The following FGF13 variants were observed in gnomAD, a reference collection of about 807,000 sequenced individuals.
FGF13 encodes fibroblast growth factor homologous factor 2.
FGF13 carries 2 observed loss-of-function variants against 19.5 expected under a neutral mutation model. The observed-to-expected ratio is 0.10, with a 90% CI of 0.04 to 0.32. The LOEUF (loss-of-function observed/expected upper bound fraction) is 0.32. FGF13 is among the 10% of genes least tolerant of loss of function. FGF13 has a pLI of 1.00. For synonymous variants in FGF13, 72 were observed against 76.9 expected, an observed-to-expected ratio of 0.94 and a Z score of 0.33; for missense variants, 113 against 192.7, an observed-to-expected ratio of 0.59 and a Z score of 2.45.
chrX:138,933,172 C>A (rs750102627), intron 1 of FGF13, among the ~76,000 whole-genome samples: 52 of 111,825 alleles, frequency 4.7e-4, no homozygotes, highest in Non-Finnish European at 8.7e-4. Flanking sequence ...TTTGTCTTCC[C>A]TACCAGTCTG....
At chrX:139,047,391 G>GT (rs1393962110) in intron 1 of FGF13, among the ~76,000 whole-genome samples, 7 of 108,164 alleles carry the variant, frequency 6.5e-5, no homozygotes, top group African/African-American at 2.1e-4. Flanking sequence ...TTTATTTTTT[G>GT]GTTTTTTTTT....
intron 1 of FGF13, among the ~76,000 whole-genome samples, chrX:139,134,305 A>C (rs2083783358): frequency 8.9e-6 from 1 of 111,924 alleles, no homozygotes; most frequent in Admixed American, 9.5e-5. Flanking sequence ...ACCTGTCAAA[A>C]TATAGCACCT....
intron 3 of FGF13, among the ~76,000 whole-genome samples, chrX:138,690,862 T>C (rs1813367737): frequency 9.0e-6 from 1 of 111,615 alleles, no homozygotes; most frequent in Non-Finnish European, 1.9e-5. Flanking sequence ...GCTGATCCTG[T>C]AGTAGATCAA....
intron 3 of FGF13, among the ~76,000 whole-genome samples, chrX:138,763,531 T>C (rs1330757420): frequency 8.9e-6 from 1 of 112,357 alleles, no homozygotes; most frequent in African/African-American, 3.2e-5. Context: ...GATAATTAGA[T>C]GCTAAGACCC....
At chrX:138,887,927 T>C (rs1204889087) in intron 1 of FGF13, among the ~76,000 whole-genome samples, 1 of 112,057 alleles carries the variant, frequency 8.9e-6, no homozygotes, top group Non-Finnish European at 1.9e-5. Context: ...TCTAGTTTAA[T>C]ACCTATTCAT....
chrX:138,747,163 A>T (rs115038915), intron 3 of FGF13, among the ~76,000 whole-genome samples: 1,206 of 111,606 alleles, frequency 0.011, 8 homozygotes, highest in African/African-American at 0.036. Context: ...AGAAAAAGGC[A>T]TGCTAACAGG....
intron 1 of FGF13, among the ~76,000 whole-genome samples, chrX:138,955,537 C>G (rs2091836715): frequency 8.9e-6 from 1 of 111,907 alleles, no homozygotes; most frequent in African/African-American, 3.3e-5. Context: ...TTAACTCGAC[C>G]AAGGTTACAC....
chrX:138,976,704 G>A lies in FGF13; in HGVS notation c.-112-112054C>T, dbSNP rs147018442. Among the ~76,000 whole-genome samples, 790 of 94,144 alleles carry A rather than the reference G, an allele frequency of 8.4e-3. 8 individuals carry two copies. Among genetic ancestry groups the A allele is most frequent in the African/African-American group, 0.027 (722 of 26,740 alleles). 81.8% of individuals were successfully genotyped at this position (94,144 alleles called of 115,157 possible). ...GTACCCCAAAAGCTATTGAAATAGA[G>A]AAATTTTAAAATATTTGTGCAAATT... On this transcript the variant is annotated intron_variant, in intron 1 of 2. Transcript: ENST00000421460.
chrX:138,718,485 A>G (rs966973540), intron 1 of FGF13, among the ~76,000 whole-genome samples: 4 of 112,065 alleles, frequency 3.6e-5, no homozygotes, highest in African/African-American at 1.3e-4. Context: ...AGTGTCTGTT[A>G]TTATTTAGCA....
chrX:138,861,450 AG>A (rs1404727667), intron 2 of FGF13, among the ~76,000 whole-genome samples: 1 of 112,532 alleles, frequency 8.9e-6, no homozygotes, highest in African/African-American at 3.2e-5. Flanking sequence ...ACTCTATAAA[AG>A]TTGTATCAAT....
intron 1 of FGF13, among the ~76,000 whole-genome samples, chrX:139,175,678 TTCTG>T (rs1348105407): frequency 8.9e-6 from 1 of 112,232 alleles, no homozygotes; most frequent in African/African-American, 3.2e-5. Context: ...TTGTCACTGG[TTCTG>T]TTTATGTGAT....
intron 1 of FGF13, among the ~76,000 whole-genome samples, chrX:139,012,774 G>C (rs1300336089): frequency 1.8e-5 from 2 of 112,030 alleles, no homozygotes; most frequent in Non-Finnish European, 3.8e-5. Flanking sequence ...AACTCTTCTA[G>C]ACATTGGCTT....
intron 1 of FGF13, among the ~76,000 whole-genome samples, chrX:138,961,477 T>C (rs1007912494): frequency 9.0e-5 from 10 of 111,612 alleles, no homozygotes; most frequent in African/African-American, 2.3e-4. Context: ...GTCTGTCTCT[T>C]CTCTGATCTC....
intron 3 of FGF13, among the ~76,000 whole-genome samples, chrX:138,764,653 T>C (rs2090491509): frequency 8.9e-6 from 1 of 112,656 alleles, no homozygotes; most frequent in Non-Finnish European, 1.9e-5. Context: ...ATTTGTTTTA[T>C]AGTCTATGGC....
At chrX:139,011,614 A>G in intron 1 of FGF13, among the ~76,000 whole-genome samples, 1 of 111,818 alleles carries the variant, frequency 8.9e-6, no homozygotes, top group Middle Eastern at 4.6e-3. Context: ...TAGATGCAGA[A>G]AAAGCATTTG....
intron 1 of FGF13, among the ~76,000 whole-genome samples, chrX:138,903,457 A>G (rs996938908): frequency 8.9e-6 from 1 of 111,812 alleles, no homozygotes; most frequent in African/African-American, 3.3e-5. Flanking sequence ...TTGTTTCTCA[A>G]AACAGAAAGG....
chrX:138,810,744 AC>A (rs2124033791), intron 3 of FGF13, among the ~76,000 whole-genome samples: 1 of 112,262 alleles, frequency 8.9e-6, no homozygotes, highest in African/African-American at 3.2e-5. Context: ...AAACAAGTTT[AC>A]AGGAAAAAAT....
At chrX:139,177,279 T>C (rs1460881714) in intron 1 of FGF13, among the ~76,000 whole-genome samples, 2 of 85,884 alleles carry the variant, frequency 2.3e-5, no homozygotes, top group African/African-American at 4.4e-5. Context: ...GCTTGATAAA[T>C]ATTCCTCCAT....
chrX:138,692,185 C>A (rs751488807), intron 3 of FGF13, among the ~76,000 whole-genome samples: 1 of 111,604 alleles, frequency 9.0e-6, no homozygotes, highest in Admixed American at 9.5e-5. Flanking sequence ...GAAACAATAT[C>A]ATCAGTCTTT....
Sources: allele counts gnomAD v4.1 joint callset (sites outside exome capture counted in the v4.1 genomes callset), GRCh38; gene constraint gnomAD v4.1.1; transcripts MANE v1.5; gene names NCBI Gene and HGNC (gene_info 2026-07-23, HGNC 2026-07-21).